The following MED30 variants were observed in gnomAD, a reference collection of about 807,000 sequenced individuals.
The protein encoded by MED30 is mediator of RNA polymerase II transcription subunit 30.
In MED30, 8 loss-of-function variants were observed where a neutral mutation model predicts 21.7. The ratio of observed to expected loss-of-function variants is 0.37; its 90% CI spans 0.22 to 0.67. MED30 has a LOEUF of 0.67. Among genes scored for constraint, MED30 ranks in the 30% least tolerant of loss-of-function variants. The probability of loss-of-function intolerance (pLI) is 0.58; values close to 1 mark genes in which losing one functional copy is unlikely to be tolerated. For missense variants in MED30, 203 were observed against 228.2 expected, an observed-to-expected ratio of 0.89 and a Z score of 0.71; for synonymous variants, 79 against 86.7, an observed-to-expected ratio of 0.91 and a Z score of 0.49.
rs577194951 is a variant in MED30 at position 117,521,155 on chromosome 8, T to G, written c.177+102T>G. 6.5e-5 allele frequency: 75 copies of G among 1,151,600 alleles called. No homozygotes were observed. The African/African-American group carries it at 1.1e-3, about 16-fold the overall frequency. 71.3% of individuals were successfully genotyped at this position (1,151,600 alleles called of 1,614,324 possible). A position where few individuals can be genotyped will look rare whatever the true frequency, so the allele number is the denominator to read the frequency against. The stretch of plus-strand genomic sequence containing the variant: ...CCCGTGGATGTCATCGGGGCTGCCC[T>G]GGGCAAACCTTAGGTGTAGGGTCTC... On this transcript the variant is annotated intron_variant, in intron 1 of 3. Transcript: ENST00000297347.
intron 3 of MED30, among the ~76,000 whole-genome samples, chr8:117,531,677 A>G (rs1586863894): frequency 1.3e-5 from 2 of 152,012 alleles, no homozygotes; most frequent in Non-Finnish European, 2.9e-5. Context: ...ACTTAAAACT[A>G]TTAGCAAGAC....
chr8:117,529,603 A>G (rs530982620), intron 2 of MED30, among the ~76,000 whole-genome samples: 13 of 152,122 alleles, frequency 8.5e-5, no homozygotes, highest in African/African-American at 2.9e-4. Flanking sequence ...AAGATTAAAC[A>G]GGAAATAAGA....
intron 3 of MED30, among the ~76,000 whole-genome samples, chr8:117,534,885 A>G (rs1256474862): frequency 1.6e-5 from 2 of 122,350 alleles, no homozygotes; most frequent in Non-Finnish European, 3.5e-5. Flanking sequence ...AGGGCTTTTT[A>G]ATTCATTCCT....
intron 3 of MED30, among the ~76,000 whole-genome samples, chr8:117,538,842 A>G (rs895086209): frequency 5.9e-5 from 9 of 152,226 alleles, no homozygotes; most frequent in African/African-American, 2.2e-4. Flanking sequence ...AAATCTTAGT[A>G]GAGAAGATTG....
intron 3 of MED30, among the ~76,000 whole-genome samples, chr8:117,537,447 T>C (rs1225312218): frequency 1.3e-5 from 2 of 152,208 alleles, no homozygotes; most frequent in Non-Finnish European, 2.9e-5. Flanking sequence ...TTTCATGACA[T>C]GTTTTGACTC....
At chr8:117,526,077 GT>G (rs1396170265) in intron 1 of MED30, among the ~76,000 whole-genome samples, 1 of 151,694 alleles carries the variant, frequency 6.6e-6, no homozygotes, top group Non-Finnish European at 1.5e-5. Context: ...GATTTTAAAA[GT>G]TTTTTTCTAG....
At chr8:117,539,369 A>G (rs994361083) in intron 3 of MED30, among the ~76,000 whole-genome samples, 8 of 152,136 alleles carry the variant, frequency 5.3e-5, no homozygotes, top group Non-Finnish European at 1.2e-4. Context: ...TGGAGCCTGT[A>G]ATTCTAGCTA....
intron 1 of MED30, among the ~76,000 whole-genome samples, chr8:117,525,237 A>G (rs1317504392): frequency 2.0e-5 from 3 of 151,620 alleles, no homozygotes; most frequent in Non-Finnish European, 4.4e-5. Context: ...TCTACTTTAC[A>G]TTTCTCCTAG....
chr8:117,534,747 G>T (rs566487278), intron 3 of MED30, among the ~76,000 whole-genome samples: 1 of 151,854 alleles, frequency 6.6e-6, no homozygotes. Flanking sequence ...TAGGTGGTGG[G>T]CACAGGGAAA....
At chr8:117,535,421 G>C (rs1818859505) in intron 3 of MED30, among the ~76,000 whole-genome samples, 1 of 151,726 alleles carries the variant, frequency 6.6e-6, no homozygotes, top group African/African-American at 2.4e-5. Context: ...AGTAGAGATG[G>C]GGTTTCACCA....
chr8:117,523,922 G>T (rs948220767), intron 1 of MED30: 5 of 323,702 alleles, frequency 1.5e-5, no homozygotes, highest in Non-Finnish European at 2.9e-5. Flanking sequence ...CAGGAGAATC[G>T]CTTGAACCCG....
intron 3 of MED30, among the ~76,000 whole-genome samples, chr8:117,533,681 C>CTATT (rs1728636679): frequency 6.6e-6 from 1 of 152,154 alleles, no homozygotes; most frequent in Non-Finnish European, 1.5e-5. Flanking sequence ...CATCTCAGTA[C>CTATT]TATTTTCCAA....
chr8:117,535,128 ATT>A (rs1485595101), intron 3 of MED30, among the ~76,000 whole-genome samples: 2 of 151,434 alleles, frequency 1.3e-5, no homozygotes, highest in East Asian at 3.9e-4. Flanking sequence ...ATTTTATTTT[ATT>A]ATTTTCCTCA....
intron 3 of MED30, among the ~76,000 whole-genome samples, chr8:117,535,215 T>C (rs540712168): frequency 1.3e-5 from 2 of 151,128 alleles, no homozygotes; most frequent in Non-Finnish European, 2.9e-5. Context: ...ATTTTTAAAA[T>C]ACTGAGCTCG....
At chr8:117,534,127 G>A (rs1455410785) in intron 3 of MED30, among the ~76,000 whole-genome samples, 1 of 151,570 alleles carries the variant, frequency 6.6e-6, no homozygotes, top group Non-Finnish European at 1.5e-5. Context: ...GGCTCACCTG[G>A]TGCCTCTGAG....
chr8:117,533,775 G>T (rs557326069), intron 3 of MED30, among the ~76,000 whole-genome samples: 1 of 152,244 alleles, frequency 6.6e-6, no homozygotes, highest in South Asian at 2.1e-4. Flanking sequence ...GGTCTGGATG[G>T]AATGCTGGCT....
At chr8:117,523,239 A>G in intron 1 of MED30, 1 of 1,009,632 alleles carries the variant, frequency 9.9e-7, no homozygotes, top group Admixed American at 1.8e-5. Flanking sequence ...AAGTTTATTC[A>G]ATGCAAAATA....
At chr8:117,539,152 C>T (rs919709885) in intron 3 of MED30, among the ~76,000 whole-genome samples, 2 of 152,118 alleles carry the variant, frequency 1.3e-5, no homozygotes, top group African/African-American at 4.8e-5. Context: ...GATGTGGAAA[C>T]TAAAGTACCG....
chr8:117,539,868 C>A lies in MED30; in HGVS notation c.442-15C>A, dbSNP rs370985674. ...TTTCCTGAAACATTTTTGATAAATTCTTTTGTTTCTACAGAAACTCAAACA... is the reference window on the plus strand; with the variant it reads ...TTTCCTGAAACATTTTTGATAAATTATTTTGTTTCTACAGAAACTCAAACA... On this transcript the variant is annotated splice_polypyrimidine_tract_variant and intron_variant, in intron 3 of 3. Transcript: ENST00000297347. 4 of 1,495,992 alleles carry A rather than the reference C, an allele frequency of 2.7e-6. No individual in the cohort carries two copies. The highest frequency in any genetic ancestry group is 1.4e-5 in the African/African-American group (1 of 72,276). The allele number at this position is 1,495,992 out of a possible 1,614,324, so 92.7% of individuals were successfully genotyped here.
Sources: gnomAD v4.1 joint callset for allele counts (sites outside exome capture counted in the v4.1 genomes callset) on GRCh38, gnomAD v4.1.1 for gene constraint, MANE v1.5 for transcripts, NCBI Gene and HGNC (gene_info 2026-07-23, HGNC 2026-07-21) for gene names.